Variants in SLC7A3 observed in about 807,000 individuals in gnomAD.
SLC7A3 encodes the protein cationic amino acid transporter 3.
A neutral mutation model predicts 33.2 loss-of-function variants in SLC7A3; 3 were observed. That is an observed-to-expected ratio of 0.09 (90% confidence interval 0.04 to 0.23). The LOEUF (loss-of-function observed/expected upper bound fraction) is 0.23, where lower values mean the gene tolerates loss of function less well. Among genes scored for constraint, SLC7A3 ranks in the 10% least tolerant of loss-of-function variants. SLC7A3 has a pLI of 1.00. For missense variants in SLC7A3, 360 were observed against 488.8 expected (o/e 0.74, Z 2.48); for synonymous variants, 193 against 195.1 (o/e 0.99, Z 0.09).
intron 2 of SLC7A3, 126 bp downstream of exon 2, chrX:70,929,502 G>C: frequency 1.2e-6 from 1 of 845,010 alleles, no homozygotes; most frequent in Non-Finnish European, 1.6e-6. Context: ...CAGACCCCCA[G>C]CAAACCCGCA....
chrX:70,927,333 A>G lies in SLC7A3; in HGVS notation c.1235T>C (p.Ile412Thr), dbSNP rs141687407. The G allele has an allele frequency of 1.9e-5, 23 of 1,209,702 alleles. No individual in the cohort carries two copies. Among genetic ancestry groups the G allele is most frequent in the African/African-American group, 3.5e-5 (2 of 57,076 alleles). Reference sequence around the variant, plus strand: ...CAGGGAGTAAGCAAGCAGGGTCCCAATTGACATGAGGTCCACAAGATCAGT... The same window carrying G: ...CAGGGAGTAAGCAAGCAGGGTCCCAGTTGACATGAGGTCCACAAGATCAGT... ...KLTDLVDLMS[I>T]GTLLAYSLVS... is the part of the protein sequence containing the mutation. Residue 412 changes from isoleucine (I) to threonine (T), a missense_variant, in exon 8 of 12, where the codon ATT (isoleucine) becomes ACT (threonine). Transcript: ENST00000374299.
chrX:70,930,683 C>A (rs1054391534), intron 1 of SLC7A3, among the ~76,000 whole-genome samples: 4 of 112,263 alleles, frequency 3.6e-5, no homozygotes, highest in Non-Finnish European at 7.5e-5. Context: ...TTTGGAGATG[C>A]GCCCCCAGAG....
chrX:70,928,353 C>T (rs2091902058), intron 4 of SLC7A3, 96 bp from the exon 5 acceptor site: 1 of 1,099,981 alleles, frequency 9.1e-7, no homozygotes, highest in Non-Finnish European at 1.2e-6. Flanking sequence ...TCTTCAAAGC[C>T]CAGCCTCCCA....
In SLC7A3 at chrX:70,926,573, A is replaced by G. The variant is rs1043929675; in HGVS notation, c.1574T>C (p.Val525Ala). The G allele has an allele frequency of 1.7e-6, 2 of 1,200,635 alleles. No homozygotes were observed. ...ACTCTGTGGCTGTCTCCAGATGACC[A>G]CAATGATCCCAATAATGAGCAGCAG... ...LLLLLIIGII[V>A]VIWRQPQSST... Residue 525 changes from valine (V) to alanine (A), a missense_variant, in exon 10 of 12, where the codon GTG becomes GCG. Physicochemically the swap from Val to Ala is moderately conservative, Grantham distance 64 (BLOSUM62 0). Transcript: ENST00000374299.
rs753230802 is a variant in SLC7A3, at chrX:70,926,612, A to G, written c.1535T>C (p.Val512Ala). Residue 512 changes from valine (V) to alanine (A), a missense_variant, in exon 10 of 12, where the codon GTG (valine) becomes GCG (alanine). Transcript: ENST00000374299. ...LLSGDLLWTA[V>A]VVLLLLLIIG... is the part of the protein sequence containing the mutation. Reference sequence around the variant, plus strand: ...AATGAGCAGCAGGAGCAGCACAACCACTGCAGTCCACAGCAGGTCTCCAGA... The same window carrying G: ...AATGAGCAGCAGGAGCAGCACAACCGCTGCAGTCCACAGCAGGTCTCCAGA... 1 of 1,195,402 alleles carries G rather than the reference A, an allele frequency of 8.4e-7. No homozygotes were observed. The highest frequency in any genetic ancestry group is 1.1e-6 in the Non-Finnish European group (1 of 887,136).
intron 10 of SLC7A3, 68 bp from the exon 11 acceptor site, chrX:70,926,246 G>T: frequency 2.1e-6 from 2 of 967,727 alleles, no homozygotes; most frequent in Non-Finnish European, 2.9e-6. Context: ...CCTATCCTAT[G>T]CAGGCCAGAA....
chrX:70,931,003 C>T lies in SLC7A3; in HGVS notation c.-52G>A, dbSNP rs914605476. 3 of 111,145 alleles carry T rather than the reference C, an allele frequency of 2.7e-5. No homozygotes were observed. Among genetic ancestry groups the T allele is most frequent in the African/African-American group, 9.8e-5 (3 of 30,565 alleles). 9.2% of individuals were successfully genotyped at this position (111,145 alleles called of 1,213,427 possible). A position where few individuals can be genotyped will look rare whatever the true frequency, so the allele number is the denominator to read the frequency against. ...AGAGAGCTGTTGCAAACCTAGGGAG[C>T]ACAGAGTCTTGGACTGGGCTCGGTG... is the stretch of plus-strand genomic sequence containing the variant. On this transcript the variant is annotated 5_prime_UTR_variant, in exon 1 of 12. Transcript: ENST00000374299.
intron 1 of SLC7A3, among the ~76,000 whole-genome samples, 171 bp from the exon 2 acceptor site, chrX:70,930,193 C>T (rs2091907920): frequency 8.9e-6 from 1 of 111,919 alleles, no homozygotes; most frequent in Non-Finnish European, 1.9e-5. Context: ...TCTTCATAAA[C>T]AAGTAGGAAT....
In SLC7A3 at chrX:70,929,713, A is replaced by G. The variant is rs779828490; in HGVS notation, c.285T>C (p.Gly95=). The change falls in exon 2 of 12, where the codon GGT becomes GGC. Residue 95 remains glycine (G), a synonymous_variant. Coordinates refer to ENST00000374299, the MANE Select transcript of SLC7A3 (RefSeq NM_032803.6). ...AEFGARVPRS[G]SAYLYSYVTV... ...TGACATAGCTGTAGAGATATGCCGA[A>G]CCAGAACGGGGAACCCGGGCACCAA... 6 of 1,209,685 alleles carry G rather than the reference A, an allele frequency of 5.0e-6. No homozygotes were observed. Among genetic ancestry groups the G allele is most frequent in the Non-Finnish European group, 6.7e-6 (6 of 895,100 alleles).
At position 70,927,400 on chromosome X, in the gene SLC7A3, AG is replaced by A; in HGVS notation, c.1184-17del. ...GCCATGAATGCTAAAATTAATAGGC[AG>A]GAAACAAGAAATGAGAGAAGGGAGT... is the stretch of plus-strand genomic sequence containing the variant. On this transcript the variant is annotated splice_polypyrimidine_tract_variant and intron_variant, in intron 7 of 11. Coordinates refer to ENST00000374299, the MANE Select transcript of SLC7A3 (RefSeq NM_032803.6). 1 of 1,209,734 alleles carries A rather than the reference AG, an allele frequency of 8.3e-7. No homozygotes were observed. Among genetic ancestry groups the A allele is most frequent in the Non-Finnish European group, 1.1e-6 (1 of 893,936 alleles).
intron 4 of SLC7A3, 98 bp from the exon 5 acceptor site, chrX:70,928,355 A>T: frequency 1.8e-6 from 2 of 1,100,348 alleles, no homozygotes; most frequent in Non-Finnish European, 2.5e-6. Flanking sequence ...TTCAAAGCCC[A>T]GCCTCCCATT....
rs1346750134 is a variant in SLC7A3 at position 70,929,917 on chromosome X, G to T, written c.81C>A (p.Arg27=). The change falls in exon 2 of 12, where the codon CGC becomes CGA. Residue 27 remains arginine (R), a synonymous_variant. Transcript: ENST00000374299. Reference sequence around the variant, plus strand: ...CCAGGGTGCTTAGGCATCTGGCAAGGCGAGTCTCAGCCATGCCTGACTCCA... The same window carrying T: ...CCAGGGTGCTTAGGCATCTGGCAAGTCGAGTCTCAGCCATGCCTGACTCCA... ...RTLESGMAET[R]LARCLSTLDL... 1 of 1,211,861 alleles carries T rather than the reference G, an allele frequency of 8.3e-7. No individual in the cohort carries two copies.
intron 3 of SLC7A3, 35 bp from the exon 4 acceptor site, chrX:70,928,668 T>A (rs758025879): frequency 5.2e-6 from 6 of 1,163,937 alleles, no homozygotes; most frequent in Non-Finnish European, 4.6e-6. Context: ...TCCCAGAAAG[T>A]CTTCAGTCCA....
rs927676818 is a variant in SLC7A3, at chrX:70,929,850, C to T, written c.148G>A (p.Val50Met). The change falls in exon 2 of 12, where the codon GTG (valine) becomes ATG (methionine). Residue 50 changes from valine to methionine, a missense_variant. Physicochemically the swap from Val to Met is conservative, Grantham distance 21. Transcript: ENST00000374299. ...LGVGSTLGAG[V>M]YVLAGEVAKD... ...GCCACCTCGCCAGCTAGGACATACA[C>T]GCCTGCACCCAATGTGCTGCCCACA... The T allele has an allele frequency of 3.3e-6, 4 of 1,211,362 alleles. No individual in the cohort carries two copies. The highest frequency in any genetic ancestry group is 1.7e-5 in the African/African-American group (1 of 57,903).
In SLC7A3 at chrX:70,926,140, A is replaced by G. The variant is rs780435582; in HGVS notation, c.1659T>C (p.Phe553=). ...ALPLLPLMSI[F]VNIYLMMQMT... Reference sequence around the variant, plus strand: ...TCTGCATCATAAGGTAAATATTCACAAAGATGCTCATTAGTGGGAGGAGAG... The same window carrying G: ...TCTGCATCATAAGGTAAATATTCACGAAGATGCTCATTAGTGGGAGGAGAG... The change falls in exon 11 of 12, where the codon TTT becomes TTC. Residue 553 remains phenylalanine (F), a synonymous_variant. Transcript: ENST00000374299. 4.3e-5 allele frequency: 52 copies of G among 1,208,980 alleles called. No homozygotes were observed. In the South Asian group the frequency reaches 8.1e-4, roughly 19 times the overall value.
At position 70,926,086 on chromosome X, in the gene SLC7A3, C is replaced by T. The variant is rs751580243; in HGVS notation, c.1713G>A (p.Gly571=). ...QMTAGTWARF[G]VWMLIGFAIY... is the part of the protein sequence containing the mutation. ...GATACCTACCAATCAGCATCCAGAC[C>T]CCAAATCGGGCCCAGGTACCAGCTG... The change falls in exon 11 of 12, where the codon GGG becomes GGA. Residue 571 remains glycine, a synonymous_variant. Transcript: ENST00000374299. 6.6e-6 allele frequency: 8 copies of T among 1,210,791 alleles called. No individual in the cohort carries two copies. In the South Asian group the frequency reaches 1.2e-4, roughly 19 times the overall value.
chrX:70,929,222 T>C (rs945131407), intron 2 of SLC7A3, among the ~76,000 whole-genome samples: 9 of 111,595 alleles, frequency 8.1e-5, no homozygotes, highest in Admixed American at 2.9e-4. Flanking sequence ...TCCTGAGTAG[T>C]TGGGACTACA....
intron 10 of SLC7A3, 105 bp from the exon 11 acceptor site, chrX:70,926,283 C>T (rs1438417018): frequency 2.7e-6 from 2 of 741,592 alleles, no homozygotes; most frequent in Middle Eastern, 3.4e-4. Flanking sequence ...CTTACTTGTC[C>T]TCTGCATTTC....
chrX:70,929,301 G>A (rs2091905052), intron 2 of SLC7A3, among the ~76,000 whole-genome samples: 1 of 111,858 alleles, frequency 8.9e-6, no homozygotes. Context: ...AGGTTGGCCA[G>A]GCTGGTCTTG....
Sources: allele counts gnomAD v4.1 joint callset (sites outside exome capture counted in the v4.1 genomes callset), GRCh38; gene constraint gnomAD v4.1.1; transcripts MANE v1.5; gene names NCBI Gene and HGNC (gene_info 2026-07-23, HGNC 2026-07-21).